The following ZNF644 variants were observed in gnomAD, a reference collection of about 807,000 sequenced individuals.
ZNF644 encodes zinc finger protein 644, also known as zinc finger motif enhancer binding protein 2.
A neutral mutation model predicts 108.0 loss-of-function variants in ZNF644; 20 were observed. That is an observed-to-expected ratio of 0.19 (90% CI 0.13 to 0.27). The LOEUF is 0.27. Ranked by LOEUF, ZNF644 falls within the 10% of genes least tolerant of loss-of-function variation. The pLI is 1.00. For synonymous variants in ZNF644, 542 were observed against 539.1 expected (o/e 1.01, Z -0.08); for missense variants, 1,338 against 1,548.9 (o/e 0.86, Z 2.29).
chr1:91,013,488 C>CAT (rs1290581431), intron 1 of ZNF644, among the ~76,000 whole-genome samples: 1 of 151,204 alleles, frequency 6.6e-6, no homozygotes, highest in African/African-American at 2.4e-5. Flanking sequence ...CACACATACA[C>CAT]ACACACACAC....
At chr1:90,923,102 T>C (rs1649649618) in intron 4 of ZNF644, among the ~76,000 whole-genome samples, 1 of 152,184 alleles carries the variant, frequency 6.6e-6, no homozygotes. Flanking sequence ...TCTTTCTTTC[T>C]GTACAAAGTG....
chr1:90,973,878 C>T (rs2101350062), intron 2 of ZNF644, among the ~76,000 whole-genome samples: 1 of 152,042 alleles, frequency 6.6e-6, no homozygotes, highest in South Asian at 2.1e-4. Context: ...GAAATGCTGC[C>T]CCCAAAATAT....
intron 2 of ZNF644, among the ~76,000 whole-genome samples, chr1:90,962,720 T>C (rs909756529): frequency 2.0e-5 from 3 of 152,028 alleles, no homozygotes; most frequent in Non-Finnish European, 4.4e-5. Flanking sequence ...CCCAACTCAC[T>C]AGATGACCAG....
chr1:90,999,306 C>T (rs952103167), intron 1 of ZNF644, among the ~76,000 whole-genome samples: 1 of 152,178 alleles, frequency 6.6e-6, no homozygotes, highest in African/African-American at 2.4e-5. Context: ...GGTCAGGTTA[C>T]CCACAAAGGA....
At chr1:91,002,890 C>T (rs1278636052) in intron 1 of ZNF644, among the ~76,000 whole-genome samples, 1 of 152,130 alleles carries the variant, frequency 6.6e-6, no homozygotes, top group Non-Finnish European at 1.5e-5. Context: ...AGACACTTCT[C>T]AAAAGAAGAC....
chr1:91,019,402 G>C (rs535880197), intron 1 of ZNF644, among the ~76,000 whole-genome samples: 6 of 152,224 alleles, frequency 3.9e-5, no homozygotes, highest in South Asian at 4.2e-4. Context: ...TCAAGTCCCT[G>C]GTTGTTGTTT....
At chr1:90,981,059 CAT>C (rs1020881935) in intron 2 of ZNF644, among the ~76,000 whole-genome samples, 3 of 152,050 alleles carry the variant, frequency 2.0e-5, no homozygotes, top group African/African-American at 4.8e-5. Context: ...CAATATCAAA[CAT>C]AGAAAATCAG....
At position 90,915,873 on chromosome 1, in the gene ZNF644, T is replaced by C. The variant is rs565992127; in HGVS notation, c.*925A>G. 2.9e-4 allele frequency: 44 copies of C among 152,714 alleles called. No individual in the cohort carries two copies. Among genetic ancestry groups the C allele is most frequent in the Admixed American group, 1.4e-3 (22 of 15,300 alleles). The allele number at this position is 152,714 out of a possible 1,614,324, so 9.5% of individuals were successfully genotyped here. The stretch of plus-strand genomic sequence containing the variant: ...TCTATTCTAAACTGTGTAGTGAGCA[T>C]TGTTTATTAATTACATTTCTACAAT... On this transcript the variant is annotated 3_prime_UTR_variant, in exon 6 of 6. Coordinates refer to ENST00000337393, the MANE Select transcript of ZNF644 (RefSeq NM_201269.3).
chr1:91,015,512 A>G (rs1325995665), intron 1 of ZNF644, among the ~76,000 whole-genome samples: 2 of 152,354 alleles, frequency 1.3e-5, no homozygotes, highest in African/African-American at 4.8e-5. Context: ...ATGGCCTCAC[A>G]GTCAAAAATT....
At chr1:90,948,069 C>T (rs894499357) in intron 2 of ZNF644, among the ~76,000 whole-genome samples, 3 of 152,032 alleles carry the variant, frequency 2.0e-5, no homozygotes, top group African/African-American at 7.2e-5. Context: ...TAAATTGCTT[C>T]AGAATAGAAA....
At chr1:90,960,149 A>T (rs1325831601) in intron 2 of ZNF644, among the ~76,000 whole-genome samples, 3 of 152,178 alleles carry the variant, frequency 2.0e-5, no homozygotes, top group Non-Finnish European at 4.4e-5. Context: ...GGCAATTCAG[A>T]TATGTCAAAG....
At chr1:90,975,870 C>G (rs184102272) in intron 2 of ZNF644, among the ~76,000 whole-genome samples, 1 of 152,156 alleles carries the variant, frequency 6.6e-6, no homozygotes, top group Admixed American at 6.5e-5. Flanking sequence ...TTCTGAATCT[C>G]TTACCCTTAA....
At chr1:91,000,789 A>T (rs1436367613) in intron 1 of ZNF644, among the ~76,000 whole-genome samples, 3 of 152,190 alleles carry the variant, frequency 2.0e-5, no homozygotes, top group African/African-American at 7.2e-5. Context: ...GACCACTAGC[A>T]ACACTAATAA....
At chr1:91,009,522 G>T (rs930375596) in intron 1 of ZNF644, among the ~76,000 whole-genome samples, 1 of 151,980 alleles carries the variant, frequency 6.6e-6, no homozygotes, top group Non-Finnish European at 1.5e-5. Flanking sequence ...TTTAAAACAA[G>T]TATCTATTTA....
intron 4 of ZNF644, among the ~76,000 whole-genome samples, chr1:90,924,697 G>A (rs1279734826): frequency 2.0e-5 from 3 of 151,948 alleles, no homozygotes; most frequent in Non-Finnish European, 4.4e-5. Context: ...AGCCTTACAC[G>A]TGTAATTCCA....
At chr1:90,950,308 A>AGGGCAGGGCAGGGCAGGGCAGGG (rs1557588325) in intron 2 of ZNF644, among the ~76,000 whole-genome samples, 43 of 78,780 alleles carry the variant, frequency 5.5e-4, no homozygotes, top group East Asian at 2.2e-3. Flanking sequence ...AGGGGAGGGG[A>AGGGCAGGGCAGGGCAGGGCAGGG]CAAAAGAAAA....
intron 1 of ZNF644, among the ~76,000 whole-genome samples, chr1:90,995,025 A>C (rs1158791324): frequency 6.6e-6 from 1 of 152,208 alleles, no homozygotes; most frequent in African/African-American, 2.4e-5. Context: ...ACATACCATA[A>C]TGTGCAGTTT....
intron 1 of ZNF644, among the ~76,000 whole-genome samples, chr1:90,984,226 A>C (rs1333303469): frequency 2.6e-5 from 4 of 152,214 alleles, no homozygotes; most frequent in Admixed American, 1.3e-4. Flanking sequence ...CAGGAAATTA[A>C]TACACTGAAG....
intron 1 of ZNF644, among the ~76,000 whole-genome samples, chr1:90,995,333 G>T (rs1462025883): frequency 6.6e-6 from 1 of 152,028 alleles, no homozygotes; most frequent in Admixed American, 6.6e-5. Context: ...AAATAAAACT[G>T]TCTAATCCAA....
Sources: allele counts gnomAD v4.1 joint callset (sites outside exome capture counted in the v4.1 genomes callset), GRCh38; gene constraint gnomAD v4.1.1; transcripts MANE v1.5; gene names NCBI Gene and HGNC (gene_info 2026-07-23, HGNC 2026-07-21).